Variants in ANKIB1 observed in about 807,000 individuals in gnomAD.
ANKIB1 encodes ankyrin repeat and IBR domain containing 1, also known as ankyrin repeat and IBR domain-containing protein 1.
ANKIB1 carries 43 observed loss-of-function variants against 122.1 expected under a neutral mutation model. That is an observed-to-expected ratio of 0.35 (90% CI 0.28 to 0.45). ANKIB1 has a LOEUF of 0.45. Among genes scored for constraint, ANKIB1 ranks in the 20% least tolerant of loss-of-function variants. The pLI is 1.00. For synonymous variants in ANKIB1, 390 were observed against 442.0 expected (o/e 0.88, Z 1.48); for missense variants, 992 against 1,329.5 (o/e 0.75, Z 3.95).
At chr7:92,351,741 G>A (rs966308528) in intron 8 of ANKIB1, among the ~76,000 whole-genome samples, 4 of 128,580 alleles carry the variant, frequency 3.1e-5, no homozygotes, top group African/African-American at 5.9e-5. Context: ...TTTTTTTGGA[G>A]ACGGAGTCTC....
Position 92,246,128 on chromosome 7 carries a change from G to C in ANKIB1, c.-482G>C. On this transcript the variant is annotated 5_prime_UTR_variant, in exon 1 of 20. Transcript: ENST00000265742. ...GAGCCGGAGGCGGGGGAGGGGAAGAGGGCGGCCGGGGCTGCGAGCGCGCAA... is the reference window on the plus strand; with the variant it reads ...GAGCCGGAGGCGGGGGAGGGGAAGACGGCGGCCGGGGCTGCGAGCGCGCAA... 1 of 291,876 alleles carries C rather than the reference G, an allele frequency of 3.4e-6. No individual in the cohort carries two copies. Among genetic ancestry groups the C allele is most frequent in the Non-Finnish European group, 6.6e-6 (1 of 152,064 alleles). 18.1% of individuals were successfully genotyped at this position (291,876 alleles called of 1,614,324 possible). A position where few individuals can be genotyped will look rare whatever the true frequency, so the allele number is the denominator to read the frequency against.
At chr7:92,272,364 TGATAA>T (rs1801814779) in intron 1 of ANKIB1, among the ~76,000 whole-genome samples, 1 of 152,128 alleles carries the variant, frequency 6.6e-6, no homozygotes, top group Non-Finnish European at 1.5e-5. Flanking sequence ...AGCTAGATGA[TGATAA>T]GATAATTACT....
intron 10 of ANKIB1, among the ~76,000 whole-genome samples, chr7:92,368,219 T>G (rs1458572933): frequency 6.6e-6 from 1 of 151,860 alleles, no homozygotes; most frequent in African/African-American, 2.4e-5. Flanking sequence ...TACATGTTGA[T>G]TCTGTTAATA....
intron 7 of ANKIB1, among the ~76,000 whole-genome samples, chr7:92,345,729 T>C (rs577515278): frequency 1.3e-5 from 2 of 152,306 alleles, no homozygotes; most frequent in East Asian, 3.9e-4. Flanking sequence ...CACAAAGCTA[T>C]TGTTTGATGA....
intron 10 of ANKIB1, among the ~76,000 whole-genome samples, chr7:92,365,219 A>G (rs1804044382): frequency 6.6e-6 from 1 of 152,202 alleles, no homozygotes; most frequent in Non-Finnish European, 1.5e-5. Flanking sequence ...AATGTGAGAG[A>G]ACATTGTTCA....
intron 7 of ANKIB1, 133 bp from the exon 8 acceptor site, chr7:92,350,817 A>G (rs1160305302): frequency 1.2e-6 from 1 of 806,858 alleles, no homozygotes; most frequent in South Asian, 1.9e-5. Context: ...TGATCGTGCC[A>G]CTGCACTCCA....
At chr7:92,294,263 T>G (rs569784524) in intron 1 of ANKIB1, among the ~76,000 whole-genome samples, 1 of 152,308 alleles carries the variant, frequency 6.6e-6, no homozygotes, top group South Asian at 2.1e-4. Flanking sequence ...CAGAAAGAAA[T>G]AAATTTAATG....
At chr7:92,310,964 A>G (rs938452967) in intron 3 of ANKIB1, among the ~76,000 whole-genome samples, 5 of 152,198 alleles carry the variant, frequency 3.3e-5, no homozygotes, top group Non-Finnish European at 4.4e-5. Context: ...ATGAGTCTCT[A>G]GTTATTTTCA....
At chr7:92,377,361 T>C (rs951831634) in intron 11 of ANKIB1, among the ~76,000 whole-genome samples, 1 of 152,202 alleles carries the variant, frequency 6.6e-6, no homozygotes, top group African/African-American at 2.4e-5. Context: ...TATATGGGCA[T>C]GGTTCATGGT....
At chr7:92,316,256 A>G (rs1562780002) in intron 3 of ANKIB1, among the ~76,000 whole-genome samples, 1 of 152,212 alleles carries the variant, frequency 6.6e-6, no homozygotes, top group Non-Finnish European at 1.5e-5. Context: ...AGCATTTAAA[A>G]AGTACTCTTC....
intron 5 of ANKIB1, among the ~76,000 whole-genome samples, chr7:92,330,771 G>A (rs1032030506): frequency 2.0e-5 from 3 of 152,154 alleles, no homozygotes; most frequent in Admixed American, 2.0e-4. Context: ...GAACCCGGGA[G>A]GTGGAGCTTG....
chr7:92,389,145 A>G (rs4729036), intron 14 of ANKIB1, among the ~76,000 whole-genome samples: 22,634 of 152,078 alleles, frequency 0.15, 2,096 homozygotes, highest in East Asian at 0.38. Flanking sequence ...GGAAAAAAAC[A>G]AAAAGATACA....
intron 9 of ANKIB1, among the ~76,000 whole-genome samples, chr7:92,360,624 A>G (rs780723319): frequency 3.9e-5 from 6 of 152,160 alleles, no homozygotes; most frequent in Admixed American, 1.3e-4. Context: ...TCATATGGTA[A>G]TTCTAAGTTT....
intron 1 of ANKIB1, among the ~76,000 whole-genome samples, chr7:92,292,152 A>G (rs757420305): frequency 7.9e-5 from 12 of 152,338 alleles, no homozygotes; most frequent in East Asian, 7.7e-4. Context: ...AAAAGGATAC[A>G]TGTGGCAAAT....
intron 17 of ANKIB1, among the ~76,000 whole-genome samples, chr7:92,395,288 A>G (rs548114177): frequency 6.6e-6 from 1 of 152,342 alleles, no homozygotes; most frequent in East Asian, 1.9e-4. Flanking sequence ...TATGCTAAAT[A>G]GAAAACATTT....
chr7:92,366,879 A>G (rs1016693285), intron 10 of ANKIB1, among the ~76,000 whole-genome samples: 2 of 152,210 alleles, frequency 1.3e-5, no homozygotes, highest in African/African-American at 4.8e-5. Flanking sequence ...TTTTAAATAG[A>G]TGGCTATTTT....
chr7:92,317,565 C>G (rs1036213887), intron 3 of ANKIB1, among the ~76,000 whole-genome samples: 1 of 152,284 alleles, frequency 6.6e-6, no homozygotes, highest in African/African-American at 2.4e-5. Context: ...ATTTCATAGT[C>G]TTGTTTGATT....
intron 12 of ANKIB1, among the ~76,000 whole-genome samples, chr7:92,387,259 C>CAGT (rs1466368419): frequency 6.6e-6 from 1 of 152,106 alleles, no homozygotes; most frequent in Non-Finnish European, 1.5e-5. Context: ...TCTTCAAATA[C>CAGT]AGTCACATAG....
At chr7:92,306,596 C>T (rs1474523722) in intron 2 of ANKIB1, among the ~76,000 whole-genome samples, 2 of 152,036 alleles carry the variant, frequency 1.3e-5, no homozygotes, top group African/African-American at 2.4e-5. Flanking sequence ...TTGCCCCTTC[C>T]ACCATGTGAG....
Sources: gnomAD v4.1 joint callset for allele counts (sites outside exome capture counted in the v4.1 genomes callset) on GRCh38, gnomAD v4.1.1 for gene constraint, MANE v1.5 for transcripts, NCBI Gene and HGNC (gene_info 2026-07-23, HGNC 2026-07-21) for gene names.